Variants in XBP1 observed in about 807,000 individuals in gnomAD.
XBP1 encodes X-box binding protein 1.
A neutral mutation model predicts 34.6 loss-of-function variants in XBP1; 18 were observed. The ratio of observed to expected loss-of-function variants is 0.52; its 90% confidence interval spans 0.36 to 0.77. The LOEUF (loss-of-function observed/expected upper bound fraction) is 0.77, where lower values mean the gene tolerates loss of function less well. XBP1 is among the 30% of genes least tolerant of loss of function. The pLI, the probability that XBP1 is intolerant of heterozygous loss-of-function variation, is 0.00. For synonymous variants in XBP1, 191 were observed against 193.4 expected, an observed-to-expected ratio of 0.99 and a Z score of 0.11; for missense variants, 422 against 464.6, an observed-to-expected ratio of 0.91 and a Z score of 0.84.
chr22:28,797,342 T>A, intron 2 of XBP1, 137 bp from the exon 3 acceptor site: 2 of 1,058,098 alleles, frequency 1.9e-6, no homozygotes, highest in Non-Finnish European at 2.6e-6. Flanking sequence ...TAGTAGGTTT[T>A]AAAAAGCTAG....
intron 5 of XBP1, 58 bp downstream of exon 5, chr22:28,795,989 T>C: frequency 6.2e-7 from 1 of 1,603,764 alleles, no homozygotes; most frequent in Non-Finnish European, 8.5e-7. Flanking sequence ...ATGTCAAGCA[T>C]CAAACAGATG....
chr22:28,800,107 C>T, intron 1 of XBP1, 191 bp downstream of exon 1: 1 of 740,002 alleles, frequency 1.4e-6, no homozygotes, highest in East Asian at 2.6e-5. Flanking sequence ...CCCTAGGTTC[C>T]CAGCGTGGCG....
chr22:28,796,301 G>T, intron 3 of XBP1, 109 bp from the exon 4 acceptor site: 2 of 1,079,308 alleles, frequency 1.9e-6, no homozygotes, highest in Non-Finnish European at 2.6e-6. Flanking sequence ...AAGATTCTAG[G>T]GTTAAATTGC....
intron 2 of XBP1, 151 bp from the exon 3 acceptor site, chr22:28,797,356 A>G (rs1230796432): frequency 4.3e-6 from 4 of 932,510 alleles, no homozygotes; most frequent in African/African-American, 3.4e-5. Context: ...AAGCTAGGCC[A>G]TAATTATGGA....
chr22:28,795,749 T>G lies in XBP1; in HGVS notation c.574-17A>C. 1 of 1,520,408 alleles carries G rather than the reference T, an allele frequency of 6.6e-7. No individual in the cohort carries two copies. Among genetic ancestry groups the G allele is most frequent in the Non-Finnish European group, 8.8e-7 (1 of 1,136,258 alleles). 94.2% of individuals were successfully genotyped at this position (1,520,408 alleles called of 1,614,324 possible). ...GATATCAGACTGTAAGAGGCAAAAA[T>G]TAAATGAAGTACAACTGTCAGAATA... On this transcript the variant is annotated splice_polypyrimidine_tract_variant and intron_variant, in intron 5 of 5. Transcript: ENST00000344347.
At position 28,795,960 on chromosome 22, in the gene XBP1, C is replaced by A. The variant is rs914384075; in HGVS notation, c.573+87G>T. ...ACCCCACCAAAAACTAACTTCAACC[C>A]TCATCTGTCTAGTTAGGGATGTCAA... On this transcript the variant is annotated intron_variant, in intron 5 of 5. Transcript: ENST00000344347. 3.9e-6 allele frequency: 6 copies of A among 1,551,492 alleles called. No homozygotes were observed. In the African/African-American group the frequency reaches 6.8e-5, roughly 18 times the overall value.
chr22:28,799,389 ACT>A (rs2031821487), intron 1 of XBP1, among the ~76,000 whole-genome samples: 1 of 152,110 alleles, frequency 6.6e-6, no homozygotes, highest in African/African-American at 2.4e-5. Context: ...TCCACCTCAG[ACT>A]CATCCCCGTC....
At chr22:28,795,978 G>C in intron 5 of XBP1, 69 bp downstream of exon 5, 1 of 1,588,538 alleles carries the variant, frequency 6.3e-7, no homozygotes, top group Non-Finnish European at 8.6e-7. Context: ...TCTAGTTAGG[G>C]ATGTCAAGCA....
At chr22:28,798,805 G>T (rs201154243) in intron 2 of XBP1, 9 of 154,292 alleles carry the variant, frequency 5.8e-5, no homozygotes, top group Admixed American at 7.7e-5. Context: ...TTTTTGGGTA[G>T]AGACGGGATT....
intron 2 of XBP1, among the ~76,000 whole-genome samples, chr22:28,797,815 A>AATG (rs1433425184): frequency 9.9e-5 from 15 of 151,276 alleles, no homozygotes. Context: ...TAATAATAAT[A>AATG]ATATAAAATA....
chr22:28,800,553 C>CGCCGCA (rs1455210862), upstream of XBP1: 2 of 1,469,246 alleles, frequency 1.4e-6, no homozygotes, highest in Middle Eastern at 2.0e-4. Context: ...GCGCACCGCG[C>CGCCGCA]GCCGCAGCCG....
exon 6 of XBP1, chr22:28,795,681 T>C (rs1398262920): frequency 6.3e-7 from 1 of 1,577,346 alleles, no homozygotes; most frequent in African/African-American, 1.4e-5. Flanking sequence ...GAAGGGCATT[T>C]GAAGAACATG....
In XBP1 at chr22:28,799,224, C is replaced by A. The variant is rs760232706; in HGVS notation, c.228-71G>T. The A allele has an allele frequency of 1.3e-4, 155 of 1,175,318 alleles. 1 individual carries two copies. Among genetic ancestry groups the A allele is most frequent in the Admixed American group, 1.1e-4 (5 of 44,954 alleles). 72.8% of individuals were successfully genotyped at this position (1,175,318 alleles called of 1,614,324 possible). A position where few individuals can be genotyped will look rare whatever the true frequency, so the allele number is the denominator to read the frequency against. ...TTTATGTCTTTATTTGAAAACTTTA[C>A]CAGCTGGTGCTTTCATTTTTATTTA... On this transcript the variant is annotated intron_variant, in intron 1 of 5. Transcript: ENST00000344347.
In XBP1 at chr22:28,800,425, G is replaced by A. The variant is rs770027383; in HGVS notation, c.100C>T (p.Gln34Ter). The A allele has an allele frequency of 4.0e-6, 6 of 1,488,810 alleles. No homozygotes were observed. In the South Asian group the frequency reaches 7.7e-5, roughly 19 times the overall value. 92.2% of individuals were successfully genotyped at this position (1,488,810 alleles called of 1,614,324 possible). A position where few individuals can be genotyped will look rare whatever the true frequency, so the allele number is the denominator to read the frequency against. The change falls in exon 1 of 6, where the codon CAG (glutamine) becomes TAG (stop). Residue 34 changes from glutamine to a stop codon, truncating the protein, a stop_gained. Transcript: ENST00000344347. LOFTEE classifies it high-confidence loss of function. Reference sequence around the variant, plus strand: ...GCTGGCACCATGAGCGGCAGGGCCTGGCCGGCCGGGGCTCCGGCGGCGGAG... The same window carrying A: ...GCTGGCACCATGAGCGGCAGGGCCTAGCCGGCCGGGGCTCCGGCGGCGGAG...
exon 6 of XBP1, chr22:28,795,723 G>A: frequency 6.5e-7 from 1 of 1,534,722 alleles, no homozygotes. Context: ...ATGCCCAACA[G>A]GATATCAGAC....
At chr22:28,795,131 CA>C, downstream of XBP1, 1 of 1,455,810 alleles carries the variant, frequency 6.9e-7, no homozygotes, top group Non-Finnish European at 9.1e-7. Context: ...ATCCTCCAGG[CA>C]GTGTAATAGT....
chr22:28,794,772 T>TA (rs1157652643), downstream of XBP1: 1 of 156,128 alleles, frequency 6.4e-6, no homozygotes, highest in Non-Finnish European at 1.4e-5. Context: ...CTAAAGGACC[T>TA]AAAACTGGAG....
downstream of XBP1, chr22:28,794,964 T>C (rs185730908): frequency 1.7e-4 from 71 of 416,162 alleles, no homozygotes; most frequent in Admixed American, 2.4e-3. Flanking sequence ...GTAATATTTC[T>C]TACTTCCAGT....
chr22:28,797,332 T>C (rs1429774471), intron 2 of XBP1, 127 bp from the exon 3 acceptor site: 5 of 1,133,766 alleles, frequency 4.4e-6, no homozygotes, highest in South Asian at 3.0e-5. Context: ...GTGGTGTTCA[T>C]AGTAGGTTTT....
Sources: allele counts gnomAD v4.1 joint callset (sites outside exome capture counted in the v4.1 genomes callset), GRCh38; gene constraint gnomAD v4.1.1; transcripts MANE v1.5; gene names NCBI Gene and HGNC (gene_info 2026-07-23, HGNC 2026-07-21).